The following XPO4 variants were observed in gnomAD, a reference collection of about 807,000 sequenced individuals.
The protein encoded by XPO4 is exportin 4.
In XPO4, 39 loss-of-function variants were observed where a neutral mutation model predicts 143.0. That is an observed-to-expected ratio of 0.27 (90% CI 0.21 to 0.36). XPO4 has a LOEUF of 0.36. Ranked by LOEUF, XPO4 falls within the 10% of genes least tolerant of loss-of-function variation. XPO4 has a pLI of 1.00. For missense variants in XPO4, 907 were observed against 1,348.0 expected (o/e 0.67, Z 5.12); for synonymous variants, 439 against 474.0 (o/e 0.93, Z 0.96).
rs546183169 is a variant in XPO4, at chr13:20,781,522, A to G, written c.*2200T>C. The G allele has an allele frequency of 6.5e-6, 1 of 152,758 alleles. No homozygotes were observed. The highest frequency in any genetic ancestry group is 2.4e-5 in the African/African-American group (1 of 41,588). The allele number at this position is 152,758 out of a possible 1,614,324, so 9.5% of individuals were successfully genotyped here. ...ACTAAAACTAGTCTAATGAAATTAC[A>G]CCTCAGGAATATGGAGGTGAAATTT... On this transcript the variant is annotated 3_prime_UTR_variant, in exon 23 of 23. Transcript: ENST00000255305.
chr13:20,803,981 T>C lies in XPO4; in HGVS notation c.1818-2991A>G, dbSNP rs1390077094. Among the ~76,000 whole-genome samples the C allele has an allele frequency of 1.3e-5, 2 of 152,142 alleles. No individual in the cohort carries two copies. The highest frequency in any genetic ancestry group is 2.9e-5 in the Non-Finnish European group (2 of 68,034). On this transcript the variant is annotated intron_variant, in intron 13 of 22. Coordinates refer to ENST00000255305, the MANE Select transcript of XPO4 (RefSeq NM_022459.5). This position sits in a 1 kb window ranked among gnomAD's most constrained non-coding sequence, Gnocchi z 4.1. Reference sequence around the variant, plus strand: ...TTGGGAGTGTCCAGATATTCTGACATCTGGAGAACAAAGGCATTCCTAATT... The same window carrying C: ...TTGGGAGTGTCCAGATATTCTGACACCTGGAGAACAAAGGCATTCCTAATT...
chr13:20,787,947 C>G (rs1186663484), intron 20 of XPO4, among the ~76,000 whole-genome samples: 1 of 152,078 alleles, frequency 6.6e-6, no homozygotes. Context: ...ACTTCTGGAA[C>G]CAGGGACTGA....
chr13:20,887,822 C>T (rs533797666), intron 1 of XPO4, among the ~76,000 whole-genome samples: 4 of 150,782 alleles, frequency 2.7e-5, no homozygotes, highest in Admixed American at 6.6e-5. Flanking sequence ...CATCATACCA[C>T]GGCACTCCAG....
At chr13:20,831,447 C>G (rs1335933348) in intron 6 of XPO4, among the ~76,000 whole-genome samples, 3 of 152,092 alleles carry the variant, frequency 2.0e-5, no homozygotes, top group Non-Finnish European at 2.9e-5. Flanking sequence ...ACTAAACTGT[C>G]TTTTATTACA....
chr13:20,860,192 T>C (rs1395365895), intron 3 of XPO4, among the ~76,000 whole-genome samples: 1 of 152,230 alleles, frequency 6.6e-6, no homozygotes, highest in Non-Finnish European at 1.5e-5. Context: ...TAAAGAGACT[T>C]TATGTTAGTT....
At chr13:20,849,463 G>C in intron 4 of XPO4, 1 of 983,986 alleles carries the variant, frequency 1.0e-6, no homozygotes, top group South Asian at 4.7e-5. Flanking sequence ...TTTAAATACA[G>C]ATTAAAATTT....
intron 7 of XPO4, 133 bp from the exon 8 acceptor site, chr13:20,822,422 A>T (rs1448389049): frequency 5.1e-6 from 4 of 779,640 alleles, no homozygotes; most frequent in Non-Finnish European, 7.8e-6. Context: ...CCTGAATTAA[A>T]CTAAATTGAA....
At chr13:20,829,599 A>C (rs1001839797) in intron 6 of XPO4, among the ~76,000 whole-genome samples, 17 of 152,214 alleles carry the variant, frequency 1.1e-4, no homozygotes, top group African/African-American at 4.1e-4. Context: ...ACCTCCCTTC[A>C]AGAGCTGCAG....
intron 13 of XPO4, 130 bp from the exon 14 acceptor site, chr13:20,801,120 T>G: frequency 1.0e-6 from 1 of 996,410 alleles, no homozygotes; most frequent in Non-Finnish European, 1.5e-6. Flanking sequence ...CTTGAACATT[T>G]CATCTACAGA....
At chr13:20,817,304 G>A (rs1299886563) in intron 9 of XPO4, among the ~76,000 whole-genome samples, 9 of 152,176 alleles carry the variant, frequency 5.9e-5, no homozygotes, top group Non-Finnish European at 1.2e-4. Context: ...CAACAAGCCA[G>A]AGAAATTAAA....
At chr13:20,791,605 A>C (rs2059280651) in intron 18 of XPO4, among the ~76,000 whole-genome samples, 1 of 152,236 alleles carries the variant, frequency 6.6e-6, no homozygotes, top group South Asian at 2.1e-4. Flanking sequence ...AATTGAATTT[A>C]GTTCGCAGCT....
chr13:20,878,503 T>C (rs1426096259), intron 1 of XPO4, among the ~76,000 whole-genome samples: 5 of 152,174 alleles, frequency 3.3e-5, no homozygotes, highest in African/African-American at 1.2e-4. Flanking sequence ...CCAGTAAAAA[T>C]TGAACTACAG....
chr13:20,878,152 G>A (rs2060370870), intron 1 of XPO4, among the ~76,000 whole-genome samples: 1 of 152,144 alleles, frequency 6.6e-6, no homozygotes, highest in Admixed American at 6.5e-5. Context: ...CAGCCTGGGT[G>A]ACAGAGCCAG....
intron 1 of XPO4, among the ~76,000 whole-genome samples, chr13:20,885,901 T>C (rs1406030805): frequency 6.6e-6 from 1 of 152,112 alleles, no homozygotes; most frequent in Non-Finnish European, 1.5e-5. Flanking sequence ...TAGGGCAAAA[T>C]ATTACTAAAA....
At chr13:20,829,111 T>C (rs926217624) in intron 6 of XPO4, among the ~76,000 whole-genome samples, 1 of 152,132 alleles carries the variant, frequency 6.6e-6, no homozygotes. Context: ...TGTGTGTGTG[T>C]GTACTTTTTG....
chr13:20,877,001 T>C (rs1485120483), intron 1 of XPO4, among the ~76,000 whole-genome samples: 1 of 152,162 alleles, frequency 6.6e-6, no homozygotes, highest in African/African-American at 2.4e-5. Flanking sequence ...TTGGTGCATA[T>C]ATAATCCTTT....
In XPO4 at chr13:20,863,192, T is replaced by C. The variant is rs1036164798; in HGVS notation, c.176-334A>G. The C allele has an allele frequency of 6.8e-6, 6 of 878,336 alleles. No homozygotes were observed. In the Admixed American group the frequency reaches 2.1e-4, roughly 31 times the overall value. 54.4% of individuals were successfully genotyped at this position (878,336 alleles called of 1,614,324 possible). On this transcript the variant is annotated intron_variant, in intron 2 of 22. Coordinates refer to ENST00000255305, the MANE Select transcript of XPO4 (RefSeq NM_022459.5). ...AAAGCAATCAGAAAATTTCCTAAGA[T>C]TCTCACCCTGTGCAAAACAGAACTT...
intron 1 of XPO4, among the ~76,000 whole-genome samples, chr13:20,883,873 T>C (rs569865351): frequency 5.9e-5 from 9 of 152,330 alleles, no homozygotes; most frequent in African/African-American, 1.7e-4. Context: ...GTTCAAGCGA[T>C]TCTCCTGCCT....
At chr13:20,805,845 T>C (rs1430535873) in intron 13 of XPO4, among the ~76,000 whole-genome samples, 1 of 152,342 alleles carries the variant, frequency 6.6e-6, no homozygotes, top group Admixed American at 6.5e-5. Context: ...TGTGAGCTGC[T>C]TTTTTAGTGA....
Sources: allele counts gnomAD v4.1 joint callset (sites outside exome capture counted in the v4.1 genomes callset), GRCh38; gene constraint gnomAD v4.1.1; non-coding constraint Gnocchi (gnomAD v3.1); transcripts MANE v1.5; gene names NCBI Gene and HGNC (gene_info 2026-07-23, HGNC 2026-07-21).